The following ANKS6 variants were observed in gnomAD, a reference collection of about 807,000 sequenced individuals.
ANKS6 encodes the protein ankyrin repeat and sterile alpha motif domain containing 6.
ANKS6 carries 47 observed loss-of-function variants against 77.9 expected under a neutral mutation model. The observed-to-expected ratio is 0.60, with a 90% CI of 0.48 to 0.77. The LOEUF (loss-of-function observed/expected upper bound fraction) is 0.77, where lower values mean the gene tolerates loss of function less well. Ranked by LOEUF, ANKS6 falls within the 30% of genes least tolerant of loss-of-function variation. ANKS6 has a pLI of 0.00. For synonymous variants in ANKS6, 488 were observed against 501.7 expected, an observed-to-expected ratio of 0.97 and a Z score of 0.37; for missense variants, 1,150 against 1,159.1, an observed-to-expected ratio of 0.99 and a Z score of 0.11.
chr9:98,769,420 G>C (rs1346299135), intron 10 of ANKS6, among the ~76,000 whole-genome samples: 1 of 152,166 alleles, frequency 6.6e-6, no homozygotes, highest in Non-Finnish European at 1.5e-5. Context: ...ATTACGTAGG[G>C]AGGTATTACC....
Position 98,796,155 on chromosome 9 carries a change from TCCAG to T in ANKS6, c.333_336del (p.Trp112AlafsTer12). On this transcript the variant is annotated frameshift_variant, in exon 1 of 15. Coordinates refer to ENST00000353234, the MANE Select transcript of ANKS6 (RefSeq NM_173551.5). LOFTEE classifies it high-confidence loss of function. ...CACCTGGCCGCCTGCATGAGCGCGCTCCAGCCGTAGTGGTTGCGGCTGTTGACCG... is the reference window on the plus strand; with the variant it reads ...CACCTGGCCGCCTGCATGAGCGCGCTCCGTAGTGGTTGCGGCTGTTGACCG... 1 of 1,403,128 alleles carries T rather than the reference TCCAG, an allele frequency of 7.1e-7. No individual in the cohort carries two copies. Among genetic ancestry groups the T allele is most frequent in the Non-Finnish European group, 9.3e-7 (1 of 1,078,354 alleles). The allele number at this position is 1,403,128 out of a possible 1,614,324, so 86.9% of individuals were successfully genotyped here.
Position 98,735,928 on chromosome 9 carries a change from G to A in ANKS6, c.*591C>T. The A allele has an allele frequency of 1.6e-6, 2 of 1,230,872 alleles. No individual in the cohort carries two copies. The highest frequency in any genetic ancestry group is 2.0e-6 in the Non-Finnish European group (2 of 988,072). The allele number at this position is 1,230,872 out of a possible 1,614,324, so 76.2% of individuals were successfully genotyped here. The stretch of plus-strand genomic sequence containing the variant: ...AAAGACTTCATCTGAGAGGTGACTT[G>A]GACTAGGAGGGGCAAGTTAGAAGTT... On this transcript the variant is annotated 3_prime_UTR_variant, in exon 15 of 15. Coordinates refer to ENST00000353234, the MANE Select transcript of ANKS6 (RefSeq NM_173551.5).
In ANKS6 at chr9:98,735,517, G is replaced by T; in HGVS notation, c.*1002C>A. ...CTTTTGAGGAACACAGCATTAATAG[G>T]ATGTAGACAAAATTCCAAATTTTCA... On this transcript the variant is annotated 3_prime_UTR_variant, in exon 15 of 15. Coordinates refer to ENST00000353234, the MANE Select transcript of ANKS6 (RefSeq NM_173551.5). 8.1e-7 allele frequency: 1 copy of T among 1,229,460 alleles called. No individual in the cohort carries two copies. Among genetic ancestry groups the T allele is most frequent in the Non-Finnish European group, 1.0e-6 (1 of 987,150 alleles). The allele number at this position is 1,229,460 out of a possible 1,614,324, so 76.2% of individuals were successfully genotyped here. A position where few individuals can be genotyped will look rare whatever the true frequency, so the allele number is the denominator to read the frequency against.
intron 11 of ANKS6, among the ~76,000 whole-genome samples, chr9:98,757,852 C>T (rs559762154): frequency 9.9e-5 from 15 of 151,974 alleles, no homozygotes; most frequent in Admixed American, 5.2e-4. Context: ...CACTTGAACC[C>T]GGGAGGCAGA....
Position 98,735,380 on chromosome 9 carries a change from C to T in ANKS6, c.*1139G>A. The stretch of plus-strand genomic sequence containing the variant: ...CTAACATAAATGCAACAAGCACTGG[C>T]TGAATGAGTCATTCACTGGAAAACA... On this transcript the variant is annotated 3_prime_UTR_variant, in exon 15 of 15. Transcript: ENST00000353234. 1 of 1,096,000 alleles carries T rather than the reference C, an allele frequency of 9.1e-7. No homozygotes were observed. Among genetic ancestry groups the T allele is most frequent in the Admixed American group, 5.1e-5 (1 of 19,460 alleles). The allele number at this position is 1,096,000 out of a possible 1,614,324, so 67.9% of individuals were successfully genotyped here. A position where few individuals can be genotyped will look rare whatever the true frequency, so the allele number is the denominator to read the frequency against.
At chr9:98,737,247 C>T (rs1031274878) in intron 14 of ANKS6, among the ~76,000 whole-genome samples, 1 of 152,200 alleles carries the variant, frequency 6.6e-6, no homozygotes, top group Non-Finnish European at 1.5e-5. Flanking sequence ...AGAACAGAGA[C>T]TGCGTCCTAG....
rs1834908526 is a variant in ANKS6, at chr9:98,791,648, G to C, written c.360-1042C>G. On this transcript the variant is annotated intron_variant, in intron 1 of 14. Transcript: ENST00000353234. This position sits in a 1 kb window ranked among gnomAD's most constrained non-coding sequence, Gnocchi z 4.3. ...GGGGCTGTCTACTCCAGGTTTTCGA[G>C]ACCACAAAGCCACTGTCATGTCTGC... 6.6e-6 allele frequency among the ~76,000 whole-genome samples: 1 copy of C among 152,264 alleles called. No homozygotes were observed. Among genetic ancestry groups the C allele is most frequent in the African/African-American group, 2.4e-5 (1 of 41,556 alleles).
chr9:98,736,183 T>C lies in ANKS6; in HGVS notation c.*336A>G. On this transcript the variant is annotated 3_prime_UTR_variant, in exon 15 of 15. Coordinates refer to ENST00000353234, the MANE Select transcript of ANKS6 (RefSeq NM_173551.5). The stretch of plus-strand genomic sequence containing the variant: ...GCAGCCGTGCCTTCTCCATCGTCCC[T>C]TTCCCTTGCCGCCAGCCAGAAGCAA... The C allele has an allele frequency of 1.7e-6, 2 of 1,178,010 alleles. No homozygotes were observed. Among genetic ancestry groups the C allele is most frequent in the Non-Finnish European group, 1.1e-6 (1 of 951,928 alleles). 73.0% of individuals were successfully genotyped at this position (1,178,010 alleles called of 1,614,324 possible).
At chr9:98,742,976 T>C (rs747915640) in intron 14 of ANKS6, among the ~76,000 whole-genome samples, 7 of 152,194 alleles carry the variant, frequency 4.6e-5, no homozygotes, top group African/African-American at 1.2e-4. Flanking sequence ...GTCAGTTAAG[T>C]TTCCTAAGGT....
At chr9:98,758,866 C>G (rs954880950) in intron 11 of ANKS6, among the ~76,000 whole-genome samples, 1 of 152,088 alleles carries the variant, frequency 6.6e-6, no homozygotes, top group Non-Finnish European at 1.5e-5. Context: ...TAGCCCATAT[C>G]CTGGTAAGAA....
chr9:98,733,798 G>A lies in ANKS6; in HGVS notation c.*2721C>T, dbSNP rs1171614129. On this transcript the variant is annotated 3_prime_UTR_variant, in exon 15 of 15. Coordinates refer to ENST00000353234, the MANE Select transcript of ANKS6 (RefSeq NM_173551.5). ...AGTGTCTGCCAAACCTACTCAACCA[G>A]GGAACCTCACCCCACTTTCACATAC... 1.0e-6 allele frequency: 1 copy of A among 985,430 alleles called. No homozygotes were observed. Among genetic ancestry groups the A allele is most frequent in the East Asian group, 1.1e-4 (1 of 8,800 alleles). The allele number at this position is 985,430 out of a possible 1,614,324, so 61.0% of individuals were successfully genotyped here.
chr9:98,770,354 C>T (rs769343771), intron 10 of ANKS6, among the ~76,000 whole-genome samples: 3 of 152,120 alleles, frequency 2.0e-5, no homozygotes, highest in African/African-American at 4.8e-5. Flanking sequence ...TTATTAGCAG[C>T]GTGAGAACAG....
chr9:98,743,516 G>A (rs1482712752), intron 14 of ANKS6, among the ~76,000 whole-genome samples: 1 of 152,120 alleles, frequency 6.6e-6, no homozygotes, highest in Non-Finnish European at 1.5e-5. Context: ...CTAACCAGTG[G>A]TTTCCACTCT....
Position 98,766,194 on chromosome 9 carries a change from C to T in ANKS6, c.2142+1887G>A, listed in dbSNP as rs146708996. Among the ~76,000 whole-genome samples, 28 of 152,334 alleles carry T rather than the reference C, an allele frequency of 1.8e-4. No individual in the cohort carries two copies. The East Asian group carries it at 5.4e-3, about 29-fold the overall frequency. On this transcript the variant is annotated intron_variant, in intron 11 of 14. Coordinates refer to ENST00000353234, the MANE Select transcript of ANKS6 (RefSeq NM_173551.5). ...AATGGATGGTTTCCCCAGTTTACTG[C>T]TTCCTGAATGCATCTTTTGATACAA...
chr9:98,785,840 C>G (rs1447637347), intron 2 of ANKS6, among the ~76,000 whole-genome samples: 2 of 152,162 alleles, frequency 1.3e-5, no homozygotes, highest in East Asian at 3.9e-4. Context: ...AATTTCAGCG[C>G]ACATTTTTAG....
At chr9:98,753,186 T>C (rs1238567075) in intron 12 of ANKS6, among the ~76,000 whole-genome samples, 1 of 152,202 alleles carries the variant, frequency 6.6e-6, no homozygotes, top group African/African-American at 2.4e-5. Context: ...ATATAGCCAA[T>C]TGATTCTCAC....
chr9:98,759,776 T>G (rs528532170), intron 11 of ANKS6, among the ~76,000 whole-genome samples: 33 of 152,170 alleles, frequency 2.2e-4, no homozygotes, highest in South Asian at 6.2e-4. Flanking sequence ...AACTCATATG[T>G]GGAAGCTTAA....
chr9:98,762,399 C>T (rs944504493), intron 11 of ANKS6, among the ~76,000 whole-genome samples: 4 of 152,102 alleles, frequency 2.6e-5, no homozygotes, highest in African/African-American at 9.7e-5. Context: ...TCTTCCTTTC[C>T]CATCTGTATG....
intron 12 of ANKS6, among the ~76,000 whole-genome samples, chr9:98,753,228 TG>T (rs1832522495): frequency 1.3e-5 from 2 of 152,180 alleles, no homozygotes; most frequent in Non-Finnish European, 2.9e-5. Context: ...GCCCTACTCT[TG>T]TACCCACAGC....
Sources: gnomAD v4.1 joint callset for allele counts (sites outside exome capture counted in the v4.1 genomes callset) on GRCh38, gnomAD v4.1.1 for gene constraint, Gnocchi (gnomAD v3.1) non-coding constraint, MANE v1.5 for transcripts, NCBI Gene and HGNC (gene_info 2026-07-23, HGNC 2026-07-21) for gene names.